TASOR2: variants seen among roughly 807,000 people sequenced by gnomAD.
TASOR2 encodes the protein protein TASOR 2.
In TASOR2, 84 loss-of-function variants were observed where a neutral mutation model predicts 199.5. That is an observed-to-expected ratio of 0.42 (90% CI 0.35 to 0.50). The LOEUF (loss-of-function observed/expected upper bound fraction) is 0.50. TASOR2 is among the 20% of genes least tolerant of loss of function. TASOR2 has a pLI of 0.02. For missense variants in TASOR2, 2,796 were observed against 2,835.9 expected (o/e 0.99, Z 0.32); for synonymous variants, 1,103 against 1,046.6 (o/e 1.05, Z -1.04).
chr10:5,742,192 T>G lies in TASOR2; in HGVS notation c.2423T>G (p.Ile808Arg), dbSNP rs2131616476. 1 of 1,614,198 alleles carries G rather than the reference T, an allele frequency of 6.2e-7. No individual in the cohort carries two copies. Among genetic ancestry groups the G allele is most frequent in the South Asian group, 1.1e-5 (1 of 91,082 alleles). Residue 808 changes from isoleucine to arginine, a missense_variant, in exon 14 of 21, where the codon ATA (isoleucine) becomes AGA (arginine). This residue lies in a region of TASOR2 where 1,941 missense variants were observed against 1,924.9 expected (regional missense o/e 1.01). Coordinates refer to ENST00000328090, the Ensembl canonical transcript of TASOR2. This position sits in a 1 kb window ranked among gnomAD's most constrained non-coding sequence, Gnocchi z 4.2. ...TTTTACAGCAATCAGAACAAAATCA[T>G]ACGATCTTCCCGAAAGGTTGTAGAA... is the stretch of plus-strand genomic sequence containing the variant.
rs747444169 is a variant in TASOR2, at chr10:5,762,524, T to TTTTC, written c.7175-6_7175-5insTCTT. 3.3e-5 allele frequency: 23 copies of TTTTC among 689,216 alleles called. No individual in the cohort carries two copies. In the African/African-American group the frequency reaches 3.6e-4, roughly 11 times the overall value. 42.7% of individuals were successfully genotyped at this position (689,216 alleles called of 1,614,324 possible). ...TAACCAAAAGTTGTTTTTTTTTTTTTTTAACAGACAAGCCTACTATCCCCA... is the reference window on the plus strand; with the variant it reads ...TAACCAAAAGTTGTTTTTTTTTTTTTTTTCTTAACAGACAAGCCTACTATCCCCA... On this transcript the variant is annotated splice_region_variant and splice_polypyrimidine_tract_variant and intron_variant, in intron 19 of 20. Transcript: ENST00000328090.
chr10:5,739,513 A>C, intron 12 of TASOR2, 105 bp from the exon 14 acceptor site: 1 of 1,089,716 alleles, frequency 9.2e-7, no homozygotes. Context: ...TATATGTTAC[A>C]TAAGTTTTTC....
At chr10:5,731,262 G>T in intron 11 of TASOR2, 59 bp downstream of exon 12, 1 of 1,492,564 alleles carries the variant, frequency 6.7e-7, no homozygotes, top group Non-Finnish European at 9.1e-7. Context: ...GGCGTTGGTG[G>T]CTCATGCCTG....
chr10:5,723,175 C>T (rs1223090148), intron 6 of TASOR2, among the ~76,000 whole-genome samples: 1 of 150,144 alleles, frequency 6.7e-6, no homozygotes, highest in African/African-American at 2.4e-5. Flanking sequence ...CCTCAGCCTC[C>T]CGAGTAGCTG....
intron 18 of TASOR2, among the ~76,000 whole-genome samples, chr10:5,760,467 G>T (rs1839642885): frequency 6.6e-6 from 1 of 152,134 alleles, no homozygotes; most frequent in South Asian, 2.1e-4. Context: ...AATTCTAGGT[G>T]GTTATCAGTC....
intron 1 of TASOR2, among the ~76,000 whole-genome samples, chr10:5,704,240 A>T (rs1055135910): frequency 6.6e-6 from 1 of 150,714 alleles, no homozygotes; most frequent in Non-Finnish European, 1.5e-5. Context: ...AAAAAAAAAG[A>T]AAGTTTTTAT....
At chr10:5,732,475 G>A (rs1017449413) in intron 11 of TASOR2, among the ~76,000 whole-genome samples, 1 of 152,244 alleles carries the variant, frequency 6.6e-6, no homozygotes, top group African/African-American at 2.4e-5. Context: ...AAATGTTGGT[G>A]CCTAAAGAAG....
chr10:5,732,567 G>GT (rs1564315721), intron 11 of TASOR2, among the ~76,000 whole-genome samples: 1 of 152,158 alleles, frequency 6.6e-6, no homozygotes, highest in Non-Finnish European at 1.5e-5. Context: ...GGAGTTTTCT[G>GT]TTTTTGTTTA....
intron 8 of TASOR2, among the ~76,000 whole-genome samples, chr10:5,725,813 G>T (rs1237600821): frequency 6.6e-6 from 1 of 152,056 alleles, no homozygotes; most frequent in Admixed American, 6.6e-5. Flanking sequence ...CATAGCTCCT[G>T]TAAGTCAAGG....
Position 5,742,305 on chromosome 10 carries a change from A to G in TASOR2, c.2536A>G (p.Lys846Glu), listed in dbSNP as rs749856056. ...AATTGAGGAGTCCCTTGGTTTGGAA[A>G]AATGTTCTGCAGACTCTCTGTTGGA... Residue 846 changes from lysine to glutamate, a missense_variant, in exon 14 of 21, where the codon AAA becomes GAA. This residue lies in a region of TASOR2 where 1,941 missense variants were observed against 1,924.9 expected (regional missense o/e 1.01). Coordinates refer to ENST00000328090, the Ensembl canonical transcript of TASOR2. The surrounding 1 kb of genome is among the most constrained non-coding windows in gnomAD (Gnocchi z 4.2). The G allele has an allele frequency of 1.9e-6, 3 of 1,614,172 alleles. No homozygotes were observed. The highest frequency in any genetic ancestry group is 2.2e-5 in the East Asian group (1 of 44,876).
chr10:5,747,670 T>C (rs763246179), exon 15 of TASOR2: 2 of 1,614,180 alleles, frequency 1.2e-6, no homozygotes, highest in South Asian at 1.1e-5. Flanking sequence ...GACACGACCA[T>C]ATCAGGCTGT....
intron 14 of TASOR2, among the ~76,000 whole-genome samples, chr10:5,745,779 GAA>G (rs796333348): frequency 6.9e-6 from 1 of 144,402 alleles, no homozygotes. Flanking sequence ...ACGCTGTCTT[GAA>G]AAAAAAAAAA....
chr10:5,736,404 C>A (rs944935597), intron 12 of TASOR2, among the ~76,000 whole-genome samples: 1 of 131,072 alleles, frequency 7.6e-6, no homozygotes, highest in Non-Finnish European at 1.6e-5. Context: ...GGCGACAGAG[C>A]GAGACTCCGT....
At chr10:5,723,773 G>A in exon 7 of TASOR2, 1 of 1,600,336 alleles carries the variant, frequency 6.2e-7, no homozygotes, top group Non-Finnish European at 8.5e-7. Flanking sequence ...ACTTGGAGGA[G>A]AAAGGTCTGT....
At chr10:5,723,282 CCT>C (rs1198403850) in intron 6 of TASOR2, among the ~76,000 whole-genome samples, 1 of 151,756 alleles carries the variant, frequency 6.6e-6, no homozygotes, top group African/African-American at 2.4e-5. Context: ...GTCTCCATCT[CCT>C]GACCTTCTGA....
Position 5,687,946 on chromosome 10 carries a change from A to T in TASOR2, c.-288+2771A>T, listed in dbSNP as rs1452702472. ...TTTATTGGTACCTTTAAATATAATA[A>T]CCCATTACATCTTAACATATTTTAT... is the stretch of plus-strand genomic sequence containing the variant. On this transcript the variant is annotated intron_variant, in intron 1 of 20. Coordinates refer to ENST00000328090, the Ensembl canonical transcript of TASOR2. The surrounding 1 kb of genome is among the most constrained non-coding windows in gnomAD (Gnocchi z 4.8). 6.6e-6 allele frequency among the ~76,000 whole-genome samples: 1 copy of T among 152,232 alleles called. No individual in the cohort carries two copies. Among genetic ancestry groups the T allele is most frequent in the East Asian group, 1.9e-4 (1 of 5,208 alleles).
rs2131532923 is a variant in TASOR2 at position 5,706,149 on chromosome 10, T to C, written c.-287-6674T>C. On this transcript the variant is annotated intron_variant, in intron 1 of 20. Transcript: ENST00000328090. The surrounding 1 kb of genome is among the most constrained non-coding windows in gnomAD (Gnocchi z 4.8). ...ATATTCTTTCTCAATGGAATTATAC[T>C]GGCAATATTGAAAATCTGTTATCTG... Among the ~76,000 whole-genome samples, 1 of 152,324 alleles carries C rather than the reference T, an allele frequency of 6.6e-6. No individual in the cohort carries two copies. Among genetic ancestry groups the C allele is most frequent in the Non-Finnish European group, 1.5e-5 (1 of 68,030 alleles).
chr10:5,709,516 T>C, intron 1 of TASOR2: 6 of 1,228,910 alleles, frequency 4.9e-6, no homozygotes, highest in Non-Finnish European at 6.1e-6. Flanking sequence ...ATTTTTTTTC[T>C]TTCTTCATTT....
chr10:5,713,276 T>C (rs1209097366), intron 2 of TASOR2, among the ~76,000 whole-genome samples: 1 of 152,188 alleles, frequency 6.6e-6, no homozygotes, highest in African/African-American at 2.4e-5. Context: ...ATTTTTCTGG[T>C]TTAAGTTATT....
Sources: allele counts gnomAD v4.1 joint callset (sites outside exome capture counted in the v4.1 genomes callset), GRCh38; gene constraint gnomAD v4.1.1; regional missense constraint gnomAD v4.1.1; non-coding constraint Gnocchi (gnomAD v3.1); transcripts MANE v1.5; gene names NCBI Gene and HGNC (gene_info 2026-07-23, HGNC 2026-07-21).